THBS2: variants seen among roughly 807,000 people sequenced by gnomAD.
THBS2 encodes the protein thrombospondin-2.
Under a neutral mutation model 135.2 loss-of-function variants are expected in THBS2, and 47 were observed. The ratio of observed to expected loss-of-function variants is 0.35; its 90% confidence interval spans 0.28 to 0.44. The LOEUF is 0.44. THBS2 is among the 20% of genes least tolerant of loss of function. THBS2 has a pLI of 1.00. For synonymous variants in THBS2, 639 were observed against 633.8 expected, an observed-to-expected ratio of 1.01 and a Z score of -0.12; for missense variants, 1,288 against 1,603.1, an observed-to-expected ratio of 0.80 and a Z score of 3.36.
intron 4 of THBS2, 126 bp downstream of exon 4, chr6:169,246,071 C>G: frequency 1.5e-6 from 1 of 670,774 alleles, no homozygotes. Flanking sequence ...TGGTAGTTAC[C>G]CAAATATTTT....
At chr6:169,244,815 G>A (rs1173807180) in intron 4 of THBS2, among the ~76,000 whole-genome samples, 1 of 152,170 alleles carries the variant, frequency 6.6e-6, no homozygotes, top group Non-Finnish European at 1.5e-5. Flanking sequence ...GGCACAGTGA[G>A]GGTCGTGGTG....
Position 169,248,893 on chromosome 6 carries a change from A to T in THBS2, c.133T>A (p.Phe45Ile), listed in dbSNP as rs1468194918. 6.2e-7 allele frequency: 1 copy of T among 1,613,360 alleles called. No homozygotes were observed. Among genetic ancestry groups the T allele is most frequent in the African/African-American group, 1.3e-5 (1 of 74,900 alleles). Residue 45 changes from phenylalanine to isoleucine, a missense_variant, in exon 3 of 22, where the codon TTC becomes ATC. Physicochemically the swap from Phe to Ile is conservative, Grantham distance 21 (BLOSUM62 0). Coordinates refer to ENST00000617924, the MANE Select transcript of THBS2 (RefSeq NM_003247.5). Reference sequence around the variant, plus strand: ...GGCACGCCGGGGTCGGGCCCGCGGAACTGCTTGGCGCCAATGGTCTTGCGG... The same window carrying T: ...GGCACGCCGGGGTCGGGCCCGCGGATCTGCTTGGCGCCAATGGTCTTGCGG... The part of the protein sequence containing the change: ...INRKTIGAKQ[F>I]RGPDPGVPAY...
At chr6:169,226,883 C>T (rs1434663217) in intron 15 of THBS2, among the ~76,000 whole-genome samples, 1 of 152,186 alleles carries the variant, frequency 6.6e-6, no homozygotes, top group African/African-American at 2.4e-5. Context: ...AGAGCCAGAA[C>T]TGAGCTGAGA....
At position 169,216,645 on chromosome 6, in the gene THBS2, C is replaced by T. The variant is rs549589288; in HGVS notation, c.*1177G>A. 6.6e-6 allele frequency: 1 copy of T among 152,188 alleles called. No individual in the cohort carries two copies. The highest frequency in any genetic ancestry group is 2.1e-4 in the South Asian group (1 of 4,800). The allele number at this position is 152,188 out of a possible 1,614,324, so 9.4% of individuals were successfully genotyped here. ...AACTCCTCATTATTCTCTATGTATT[C>T]TGTTACAGCTTCTAGCATGCTTCAT... is the stretch of plus-strand genomic sequence containing the variant. On this transcript the variant is annotated 3_prime_UTR_variant, in exon 22 of 22. Coordinates refer to ENST00000617924, the MANE Select transcript of THBS2 (RefSeq NM_003247.5).
chr6:169,222,832 CAG>C (rs1187907983), intron 18 of THBS2, among the ~76,000 whole-genome samples: 1 of 135,980 alleles, frequency 7.4e-6, no homozygotes, highest in Non-Finnish European at 1.6e-5. Flanking sequence ...AAAAAAGAAA[CAG>C]GTTTCAGGCA....
intron 16 of THBS2, among the ~76,000 whole-genome samples, chr6:169,225,941 G>A (rs1282606674): frequency 6.6e-6 from 1 of 152,224 alleles, no homozygotes; most frequent in Non-Finnish European, 1.5e-5. Flanking sequence ...TTGAATAAAT[G>A]TTTTCAATTG....
At chr6:169,234,328 TACCCACACACCACATTCC>T (rs1333889618) in intron 10 of THBS2, among the ~76,000 whole-genome samples, 1 of 124,530 alleles carries the variant, frequency 8.0e-6, no homozygotes, top group Admixed American at 8.5e-5. Context: ...ACCACACAAC[TACCCACACACCACATTCC>T]ACACCACACA....
Position 169,252,915 on chromosome 6 carries a change from G to A in THBS2, c.-23+809C>T, listed in dbSNP as rs905813996. 2.0e-5 allele frequency among the ~76,000 whole-genome samples: 3 copies of A among 152,062 alleles called. No individual in the cohort carries two copies. Among genetic ancestry groups the A allele is most frequent in the South Asian group, 2.1e-4 (1 of 4,830 alleles). On this transcript the variant is annotated intron_variant, in intron 1 of 21. Transcript: ENST00000617924. The surrounding 1 kb of genome is among the most constrained non-coding windows in gnomAD (Gnocchi z 4.3). ...CTTTGCAGAGAGCTAATTGTTTACC[G>A]GCCGTCCACCACCAACAGCAGTCTG...
chr6:169,244,823 G>A (rs1034482011), intron 4 of THBS2, among the ~76,000 whole-genome samples: 7 of 152,140 alleles, frequency 4.6e-5, no homozygotes, highest in African/African-American at 1.7e-4. Context: ...GAGGGTCGTG[G>A]TGGGGGTGAC....
Position 169,237,332 on chromosome 6 carries a change from C to T in THBS2, c.1315G>A (p.Gly439Ser), listed in dbSNP as rs1185963206. ...GACCAAGGTGACCAGTGGCTCCAGCCGCCGTCCTGCCGGACTAACACAAGA... is the reference window on the plus strand; with the variant it reads ...GACCAAGGTGACCAGTGGCTCCAGCTGCCGTCCTGCCGGACTAACACAAGA... Reference protein sequence around the residue: ...KCDTRIRQDGGWSHWSPWSSC... With the variant: ...KCDTRIRQDGSWSHWSPWSSC... Residue 439 changes from glycine (G) to serine (S), a missense_variant, in exon 9 of 22, where the codon GGC (glycine) becomes AGC (serine). Gly to Ser is a moderately conservative substitution (Grantham distance 56). Transcript: ENST00000617924. 3.1e-5 allele frequency: 50 copies of T among 1,613,138 alleles called. No individual in the cohort carries two copies. The highest frequency in any genetic ancestry group is 1.6e-4 in the Middle Eastern group (1 of 6,084).
intron 3 of THBS2, among the ~76,000 whole-genome samples, chr6:169,247,565 T>C (rs1365708742): frequency 1.3e-5 from 2 of 152,054 alleles, no homozygotes; most frequent in South Asian, 2.1e-4. Context: ...TTTGTGTAGG[T>C]ATGTAAATGT....
At position 169,228,141 on chromosome 6, in the gene THBS2, G is replaced by T; in HGVS notation, c.2400C>A (p.Ser800=). The T allele has an allele frequency of 1.2e-6, 2 of 1,613,544 alleles. No homozygotes were observed. The highest frequency in any genetic ancestry group is 1.7e-6 in the Non-Finnish European group (2 of 1,179,884). ...TDNNGEGDAC[S]VDIDGDDVFN... ...ACCCACCGTCCCCATCAATGTCCAC[G>T]GAGCAGGCGTCACCCTCTCCATTGT... Residue 800 remains serine (S), a synonymous_variant, in exon 15 of 22, where the codon TCC becomes TCA. Coordinates refer to ENST00000617924, the MANE Select transcript of THBS2 (RefSeq NM_003247.5).
rs183161171 is a variant in THBS2, at chr6:169,216,015, C to T, written c.*1807G>A. On this transcript the variant is annotated 3_prime_UTR_variant, in exon 22 of 22. Coordinates refer to ENST00000617924, the MANE Select transcript of THBS2 (RefSeq NM_003247.5). ...ACATTCTAAATACTCACATCATCGTCACTCCCACACCATTGTACGGTTGAC... is the reference window on the plus strand; with the variant it reads ...ACATTCTAAATACTCACATCATCGTTACTCCCACACCATTGTACGGTTGAC... 5.2e-5 allele frequency: 8 copies of T among 152,434 alleles called. No individual in the cohort carries two copies. Among genetic ancestry groups the T allele is most frequent in the Admixed American group, 1.3e-4 (2 of 15,300 alleles). 9.4% of individuals were successfully genotyped at this position (152,434 alleles called of 1,614,324 possible).
intron 10 of THBS2, 190 bp downstream of exon 10, chr6:169,234,544 C>T (rs1424677031): frequency 1.5e-5 from 9 of 613,452 alleles, no homozygotes; most frequent in East Asian, 9.7e-5. Flanking sequence ...CGCCACCTGG[C>T]ATCTTTTTTG....
chr6:169,217,962 A>C, intron 21 of THBS2, 133 bp from the exon 22 acceptor site: 1 of 740,212 alleles, frequency 1.4e-6, no homozygotes, highest in Non-Finnish European at 2.1e-6. Flanking sequence ...GGATGGATGG[A>C]TGGATGGATG....
At chr6:169,237,142 C>A in intron 9 of THBS2, 28 bp downstream of exon 9, 1 of 1,582,546 alleles carries the variant, frequency 6.3e-7, no homozygotes, top group African/African-American at 1.3e-5. Context: ...AGCCCGCCCA[C>A]CCAGGGCCCC....
chr6:169,223,527 G>A lies in THBS2; in HGVS notation c.2774-52C>T, dbSNP rs150587861. On this transcript the variant is annotated intron_variant, in intron 17 of 21. Coordinates refer to ENST00000617924, the MANE Select transcript of THBS2 (RefSeq NM_003247.5). ...AAAACAAAAACAAAGAAGCAAAGTC[G>A]GTGGTCGGTGGTTTGCCATTTGCTT... 6.6e-4 allele frequency: 1,005 copies of A among 1,526,936 alleles called. 5 individuals are homozygous for A. The African/African-American group carries it at 0.012, about 19-fold the overall frequency. The allele number at this position is 1,526,936 out of a possible 1,614,324, so 94.6% of individuals were successfully genotyped here.
At chr6:169,245,515 G>A (rs568140517) in intron 4 of THBS2, among the ~76,000 whole-genome samples, 14 of 152,212 alleles carry the variant, frequency 9.2e-5, no homozygotes, top group African/African-American at 1.4e-4. Flanking sequence ...CTTCTAGGCC[G>A]GGCGTGGTGG....
At position 169,228,160 on chromosome 6, in the gene THBS2, C is replaced by G. The variant is rs777473240; in HGVS notation, c.2381G>C (p.Gly794Ala). 5 of 1,614,066 alleles carry G rather than the reference C, an allele frequency of 3.1e-6. No homozygotes were observed. Among genetic ancestry groups the G allele is most frequent in the Non-Finnish European group, 4.2e-6 (5 of 1,180,026 alleles). The stretch of plus-strand genomic sequence containing the variant: ...GTCCACGGAGCAGGCGTCACCCTCT[C>G]CATTGTTGTCTGTGTCGATCTGGGC... ...NPAQIDTDNN[G>A]EGDACSVDID... is the part of the protein sequence containing the mutation. Residue 794 changes from glycine to alanine, a missense_variant, in exon 15 of 22, where the codon GGA (glycine) becomes GCA (alanine). Physicochemically the swap from Gly to Ala is moderately conservative, Grantham distance 60. Transcript: ENST00000617924.
Sources: gnomAD v4.1 joint callset for allele counts (sites outside exome capture counted in the v4.1 genomes callset) on GRCh38, gnomAD v4.1.1 for gene constraint, Gnocchi (gnomAD v3.1) non-coding constraint, MANE v1.5 for transcripts, NCBI Gene and HGNC (gene_info 2026-07-23, HGNC 2026-07-21) for gene names.